TNS3: variants seen among roughly 807,000 people sequenced by gnomAD.
TNS3 encodes the protein tensin 3.
A neutral mutation model predicts 140.9 loss-of-function variants in TNS3; 45 were observed. That is an observed-to-expected ratio of 0.32 (90% CI 0.25 to 0.41). The LOEUF (loss-of-function observed/expected upper bound fraction) is 0.41, where lower values mean the gene tolerates loss of function less well. Among genes scored for constraint, TNS3 ranks in the 10% least tolerant of loss-of-function variants. The probability of loss-of-function intolerance (pLI) is 1.00; values close to 1 mark genes in which losing one functional copy is unlikely to be tolerated. For missense variants in TNS3, 1,716 were observed against 1,906.7 expected (o/e 0.90, Z 1.86); for synonymous variants, 815 against 788.4 (o/e 1.03, Z -0.56).
chr7:47,335,501 T>C (rs1261964945), intron 20 of TNS3, among the ~76,000 whole-genome samples: 3 of 152,226 alleles, frequency 2.0e-5, no homozygotes, highest in Admixed American at 6.5e-5. Flanking sequence ...GAGTAGGTGC[T>C]GGCATTTAAA....
chr7:47,498,985 C>T (rs1798116435), intron 3 of TNS3, among the ~76,000 whole-genome samples: 1 of 152,262 alleles, frequency 6.6e-6, no homozygotes, highest in Non-Finnish European at 1.5e-5. Context: ...TGGCTTGGTC[C>T]TGCTGGCCAC....
chr7:47,448,462 C>G (rs919263168), intron 4 of TNS3, among the ~76,000 whole-genome samples: 1 of 147,824 alleles, frequency 6.8e-6, no homozygotes, highest in African/African-American at 2.5e-5. Flanking sequence ...GAGCCCAACT[C>G]TGGTGGGAAT....
intron 21 of TNS3, among the ~76,000 whole-genome samples, chr7:47,304,160 C>A (rs923471180): frequency 6.6e-6 from 1 of 152,206 alleles, no homozygotes; most frequent in African/African-American, 2.4e-5. Flanking sequence ...GCCAGATACA[C>A]CATCAGTCCT....
chr7:47,430,936 T>C (rs1401503477), intron 8 of TNS3, among the ~76,000 whole-genome samples: 9 of 152,038 alleles, frequency 5.9e-5, no homozygotes, highest in African/African-American at 2.2e-4. Context: ...TTGGCCAGGC[T>C]GGTCTCGAAC....
chr7:47,464,266 C>T (rs749773893), intron 4 of TNS3, among the ~76,000 whole-genome samples: 1 of 152,200 alleles, frequency 6.6e-6, no homozygotes, highest in Non-Finnish European at 1.5e-5. Context: ...TAGGCAAACA[C>T]ACTGAGGACT....
chr7:47,303,627 AAGAGACACCT>A, intron 21 of TNS3, 43 bp from the exon 22 acceptor site: 6 of 1,522,878 alleles, frequency 3.9e-6, no homozygotes, highest in Non-Finnish European at 5.3e-6. Context: ...GTAAGGTACA[AAGAGACACCT>A]GAAGACCAGC....
chr7:47,389,118 A>C (rs879388253), intron 16 of TNS3, among the ~76,000 whole-genome samples: 32,652 of 48,058 alleles, frequency 0.68, 12,132 homozygotes, highest in South Asian at 0.81. Flanking sequence ...GCAGAAGAAG[A>C]AGAAGAAGAA....
At chr7:47,485,691 C>A (rs972410228) in intron 3 of TNS3, among the ~76,000 whole-genome samples, 1 of 152,232 alleles carries the variant, frequency 6.6e-6, no homozygotes, top group African/African-American at 2.4e-5. Context: ...CTCTGAGAAG[C>A]CTGTTTGGGA....
chr7:47,305,649 G>A (rs1786708545), intron 20 of TNS3, among the ~76,000 whole-genome samples: 2 of 152,238 alleles, frequency 1.3e-5, no homozygotes, highest in Admixed American at 6.5e-5. Context: ...ACCCTCGCAG[G>A]TGGGCCAGAA....
At chr7:47,294,741 G>GTTCT (rs1785908843) in intron 24 of TNS3, among the ~76,000 whole-genome samples, 1 of 152,222 alleles carries the variant, frequency 6.6e-6, no homozygotes. Flanking sequence ...ATTTCACAAG[G>GTTCT]GCAGTAAAGC....
chr7:47,303,228 G>C lies in TNS3; in HGVS notation c.3179C>G (p.Ala1060Gly), dbSNP rs1562776856. 6.2e-7 allele frequency: 1 copy of C among 1,613,790 alleles called. No individual in the cohort carries two copies. Among genetic ancestry groups the C allele is most frequent in the South Asian group, 1.1e-5 (1 of 91,090 alleles). The change falls in exon 22 of 31, where the codon GCT (alanine) becomes GGT (glycine). Residue 1060 changes from alanine (A) to glycine (G), a missense_variant. Around this residue, in one of 3 missense-constraint regions of TNS3, gnomAD observed 1,163 missense variants for 1,182.1 expected, o/e 0.98. Transcript: ENST00000311160. Reference sequence around the variant, plus strand: ...GTGGGACAGGAAGCCATTGTCGGCAGCCCCTGTCGCTGTCAGCGGGATGCT... The same window carrying C: ...GTGGGACAGGAAGCCATTGTCGGCACCCCCTGTCGCTGTCAGCGGGATGCT... ...TPSIPLTATG[A>G]ADNGFLSHNF...
intron 9 of TNS3, among the ~76,000 whole-genome samples, chr7:47,427,563 C>T (rs1047097420): frequency 2.6e-5 from 4 of 152,196 alleles, no homozygotes; most frequent in Admixed American, 6.5e-5. Flanking sequence ...TGAAGATCTG[C>T]ACTCTGGGAA....
intron 1 of TNS3, among the ~76,000 whole-genome samples, chr7:47,564,127 G>A (rs1189104461): frequency 6.7e-6 from 1 of 148,894 alleles, no homozygotes; most frequent in Non-Finnish European, 1.5e-5. Flanking sequence ...CCGGGAGGTG[G>A]AGCTTGCAGT....
intron 27 of TNS3, among the ~76,000 whole-genome samples, chr7:47,290,989 T>C (rs1785663846): frequency 6.6e-6 from 1 of 152,160 alleles, no homozygotes. Context: ...CAAGGAAATA[T>C]TTGCTGCTAA....
At chr7:47,456,841 G>A (rs1281130950) in intron 4 of TNS3, among the ~76,000 whole-genome samples, 1 of 151,826 alleles carries the variant, frequency 6.6e-6, no homozygotes, top group Non-Finnish European at 1.5e-5. Context: ...GGTAACAACA[G>A]GTCCCCATTC....
intron 1 of TNS3, among the ~76,000 whole-genome samples, chr7:47,533,753 T>G (rs758596383): frequency 2.6e-4 from 40 of 152,118 alleles, no homozygotes; most frequent in Non-Finnish European, 5.7e-4. Context: ...TGATAATGAA[T>G]AATTATCATG....
chr7:47,515,344 C>T (rs1033195749), intron 2 of TNS3, among the ~76,000 whole-genome samples: 1 of 152,274 alleles, frequency 6.6e-6, no homozygotes, highest in African/African-American at 2.4e-5. Flanking sequence ...AGTATCATCA[C>T]GATCAGCATC....
chr7:47,439,473 C>T lies in TNS3; in HGVS notation c.150+14G>A, dbSNP rs757438694. 12 of 1,612,572 alleles carry T rather than the reference C, an allele frequency of 7.4e-6. No individual in the cohort carries two copies. The highest frequency in any genetic ancestry group is 4.0e-5 in the African/African-American group (3 of 74,890). On this transcript the variant is annotated intron_variant, in intron 6 of 30. Coordinates refer to ENST00000311160, the MANE Select transcript of TNS3 (RefSeq NM_022748.12). ...GAGCCTGCCCAAAGGCTCCCAGAGCCGCCCACCGCTCACCAGGTAGTTGTC... is the reference window on the plus strand; with the variant it reads ...GAGCCTGCCCAAAGGCTCCCAGAGCTGCCCACCGCTCACCAGGTAGTTGTC...
chr7:47,472,934 G>A (rs1026687085), intron 4 of TNS3, among the ~76,000 whole-genome samples: 1 of 152,172 alleles, frequency 6.6e-6, no homozygotes, highest in South Asian at 2.1e-4. Context: ...CCAGAGGGGC[G>A]CTGGGTGAGA....
Sources: gnomAD v4.1 joint callset for allele counts (sites outside exome capture counted in the v4.1 genomes callset) on GRCh38, gnomAD v4.1.1 for gene constraint, gnomAD v4.1.1 regional missense constraint, MANE v1.5 for transcripts, NCBI Gene and HGNC (gene_info 2026-07-23, HGNC 2026-07-21) for gene names.